The following GSE1 variants were observed in gnomAD, a reference collection of about 807,000 sequenced individuals.
The protein encoded by GSE1 is Gse1 coiled-coil protein, also known as genetic suppressor element 1.
In GSE1, 32 loss-of-function variants were observed where a neutral mutation model predicts 112.6. The ratio of observed to expected loss-of-function variants is 0.28; its 90% CI spans 0.21 to 0.38. The LOEUF is 0.38. Among genes scored for constraint, GSE1 ranks in the 10% least tolerant of loss-of-function variants. The pLI is 1.00. For synonymous variants in GSE1, 1,115 were observed against 735.6 expected, an observed-to-expected ratio of 1.52 and a Z score of -8.35; for missense variants, 2,348 against 1,699.2, an observed-to-expected ratio of 1.38 and a Z score of -6.71.
intron 2 of GSE1, among the ~76,000 whole-genome samples, chr16:85,483,403 C>G (rs2050742217): frequency 6.6e-6 from 1 of 152,264 alleles, no homozygotes; most frequent in Non-Finnish European, 1.5e-5. Flanking sequence ...CTCACCCACT[C>G]TGTGCCTCAG....
intron 1 of GSE1, among the ~76,000 whole-genome samples, chr16:85,228,101 G>C (rs1013057244): frequency 5.9e-5 from 9 of 152,174 alleles, no homozygotes; most frequent in Admixed American, 2.0e-4. Flanking sequence ...TCCAGGAGGA[G>C]GGAACAGCAC....
intron 2 of GSE1, among the ~76,000 whole-genome samples, chr16:85,469,252 T>TA (rs58566689): frequency 3.7e-4 from 53 of 144,816 alleles, no homozygotes; most frequent in Non-Finnish European, 5.3e-4. Context: ...AAACTCCATC[T>TA]AAAAAAAAAA....
intron 2 of GSE1, among the ~76,000 whole-genome samples, chr16:85,494,194 C>G (rs187150953): frequency 1.3e-5 from 2 of 152,368 alleles, no homozygotes; most frequent in African/African-American, 2.4e-5. Context: ...AGTCTGAAGT[C>G]AAGGCATCAG....
intron 2 of GSE1, among the ~76,000 whole-genome samples, chr16:85,536,510 G>A (rs998085471): frequency 1.3e-5 from 2 of 152,214 alleles, no homozygotes; most frequent in African/African-American, 4.8e-5. Flanking sequence ...GGCTCGTCTA[G>A]CACATGGGAC....
chr16:85,387,053 C>A (rs2047703505), intron 2 of GSE1, among the ~76,000 whole-genome samples: 1 of 152,178 alleles, frequency 6.6e-6, no homozygotes, highest in Admixed American at 6.5e-5. Flanking sequence ...TCTCAGAAAC[C>A]ACTTGAAAGA....
chr16:85,418,072 C>T (rs2048744269), intron 2 of GSE1, among the ~76,000 whole-genome samples: 2 of 152,180 alleles, frequency 1.3e-5, no homozygotes, highest in South Asian at 4.1e-4. Flanking sequence ...CTCCTGACCT[C>T]GTGATCCACC....
chr16:85,252,970 G>A (rs546658633), intron 1 of GSE1, among the ~76,000 whole-genome samples: 121 of 151,934 alleles, frequency 8.0e-4, no homozygotes, highest in Non-Finnish European at 1.3e-3. Flanking sequence ...TGGAAGCTGG[G>A]TGGGCTCCCT....
intron 1 of GSE1, among the ~76,000 whole-genome samples, chr16:85,319,002 G>C (rs1397091512): frequency 6.6e-6 from 1 of 152,208 alleles, no homozygotes; most frequent in Non-Finnish European, 1.5e-5. Flanking sequence ...GCATCACCTG[G>C]TGTCTGGTGT....
intron 2 of GSE1, among the ~76,000 whole-genome samples, chr16:85,407,986 G>A (rs1255193736): frequency 1.9e-5 from 1 of 51,998 alleles, no homozygotes; most frequent in Non-Finnish European, 4.0e-5. Flanking sequence ...AATCCTCACT[G>A]TTACACTCAG....
chr16:85,267,256 G>T (rs987689131), intron 1 of GSE1, among the ~76,000 whole-genome samples: 1 of 152,206 alleles, frequency 6.6e-6, no homozygotes, highest in African/African-American at 2.4e-5. Context: ...CCAGGAAGTG[G>T]GGGTGGCAGT....
At chr16:85,437,853 T>G (rs879438570) in intron 2 of GSE1, among the ~76,000 whole-genome samples, 7 of 152,180 alleles carry the variant, frequency 4.6e-5, no homozygotes, top group Non-Finnish European at 1.0e-4. Flanking sequence ...CTCCCACCCT[T>G]TCGCTGTGTG....
chr16:85,652,061 G>C (rs2051404263), intron 3 of GSE1, among the ~76,000 whole-genome samples: 1 of 152,178 alleles, frequency 6.6e-6, no homozygotes, highest in Admixed American at 6.5e-5. Context: ...GGGGTAGGCA[G>C]GCCAGCCTGG....
At position 85,657,587 on chromosome 16, in the gene GSE1, G is replaced by A; in HGVS notation, c.1623G>A (p.Arg541=). The A allele has an allele frequency of 6.5e-7, 1 of 1,538,368 alleles. No homozygotes were observed. The highest frequency in any genetic ancestry group is 1.3e-5 in the South Asian group (1 of 79,184). The part of the protein sequence containing the change: ...RPPVPAEAEH[R]PESTTRPGPN... Reference sequence around the variant, plus strand: ...CGGTGCCGGCGGAGGCAGAGCACAGGCCGGAGAGCACCACCAGGTGAGTGA... The same window carrying A: ...CGGTGCCGGCGGAGGCAGAGCACAGACCGGAGAGCACCACCAGGTGAGTGA... Residue 541 remains arginine, a synonymous_variant, in exon 8 of 16, where the codon AGG becomes AGA. Coordinates refer to ENST00000253458, the MANE Select transcript of GSE1 (RefSeq NM_014615.5).
At position 85,430,531 on chromosome 16, in the gene GSE1, C is replaced by T. The variant is rs530640296; in HGVS notation, c.2464+72888C>T. Among the ~76,000 whole-genome samples the T allele has an allele frequency of 3.3e-5, 5 of 152,332 alleles. No homozygotes were observed. The East Asian group carries it at 7.7e-4, about 24-fold the overall frequency. ...GAATGACCTTGGAAAACTTGCCCTG[C>T]ACCTCGAAGGCCAGGCCAGGGGGCG... On this transcript the variant is annotated intron_variant, in intron 2 of 2. Transcript: ENST00000637419.
chr16:85,222,606 C>A (rs80004650), intron 1 of GSE1, among the ~76,000 whole-genome samples: 207 of 152,318 alleles, frequency 1.4e-3, no homozygotes, highest in African/African-American at 4.8e-3. Context: ...ATCTCTTTGT[C>A]GGATCAAACA....
chr16:85,498,043 GT>G (rs2051239617), intron 2 of GSE1, among the ~76,000 whole-genome samples: 8 of 152,068 alleles, frequency 5.3e-5, no homozygotes, highest in Admixed American at 5.2e-4. Context: ...CCACACCTCA[GT>G]GGGGTGGGGG....
At chr16:85,284,972 A>T (rs2044974811) in intron 1 of GSE1, 1 of 152,262 alleles carries the variant, frequency 6.6e-6, no homozygotes, top group Non-Finnish European at 1.5e-5. Context: ...CGCCGCTTAC[A>T]AATAGCACTG....
At chr16:85,395,800 G>A (rs1476670369) in intron 2 of GSE1, among the ~76,000 whole-genome samples, 4 of 71,662 alleles carry the variant, frequency 5.6e-5, no homozygotes, top group Non-Finnish European at 8.4e-5. Flanking sequence ...CTGGGCGCCC[G>A]CCCACCCTCC....
chr16:85,564,857 G>C (rs1017846859), intron 1 of GSE1, among the ~76,000 whole-genome samples: 4 of 152,188 alleles, frequency 2.6e-5, no homozygotes, highest in African/African-American at 7.2e-5. Context: ...ATTAGGCCCA[G>C]TCCTTGTCCT....
Sources: allele counts gnomAD v4.1 joint callset (sites outside exome capture counted in the v4.1 genomes callset), GRCh38; gene constraint gnomAD v4.1.1; transcripts MANE v1.5; gene names NCBI Gene and HGNC (gene_info 2026-07-23, HGNC 2026-07-21).